GALNT13: variants seen among roughly 807,000 people sequenced by gnomAD.
The protein encoded by GALNT13 is UDP-GalNAc:polypeptide N-acetylgalactosaminyltransferase 13.
A neutral mutation model predicts 64.2 loss-of-function variants in GALNT13; 28 were observed. That is an observed-to-expected ratio of 0.44 (90% CI 0.32 to 0.60). The LOEUF is 0.60. Ranked by LOEUF, GALNT13 falls within the 20% of genes least tolerant of loss-of-function variation. The pLI, the probability that GALNT13 is intolerant of heterozygous loss-of-function variation, is 0.05. For synonymous variants in GALNT13, 214 were observed against 224.6 expected (o/e 0.95, Z 0.42); for missense variants, 577 against 669.8 (o/e 0.86, Z 1.53).
At chr2:153,340,787 T>G in the GALNT13 span, among the ~76,000 whole-genome samples, 1 of 152,206 alleles carries the variant, frequency 6.6e-6, no homozygotes, top group Non-Finnish European at 1.5e-5. Context: ...CAGGAAGATG[T>G]TAAATTTTTT....
chr2:154,014,958 C>A (rs1368168931), intron 3 of GALNT13, among the ~76,000 whole-genome samples: 1 of 152,066 alleles, frequency 6.6e-6, no homozygotes, highest in Non-Finnish European at 1.5e-5. Context: ...ATCTACCTCA[C>A]CCAAAATATA....
At chr2:153,603,164 T>G in the GALNT13 span, among the ~76,000 whole-genome samples, 1 of 151,918 alleles carries the variant, frequency 6.6e-6, no homozygotes, top group African/African-American at 2.4e-5. Context: ...TTTCAGCCAA[T>G]GGAACATGAG....
chr2:153,707,363 A>C, the GALNT13 span, among the ~76,000 whole-genome samples: 2 of 152,296 alleles, frequency 1.3e-5, no homozygotes, highest in Admixed American at 6.5e-5. Context: ...ATACTGAAAA[A>C]AGCCAAACCA....
chr2:153,814,300 C>T, the GALNT13 span, among the ~76,000 whole-genome samples: 1 of 152,026 alleles, frequency 6.6e-6, no homozygotes, highest in East Asian at 1.9e-4. Flanking sequence ...ATTAACTGGG[C>T]GCGGTGGCGG....
the GALNT13 span, among the ~76,000 whole-genome samples, chr2:153,719,872 C>G: frequency 2.6e-5 from 4 of 152,050 alleles, no homozygotes; most frequent in South Asian, 8.3e-4. Context: ...AAGGCGGCAG[C>G]GAGGCTGGGG....
chr2:153,737,763 T>A, the GALNT13 span, among the ~76,000 whole-genome samples: 1 of 152,114 alleles, frequency 6.6e-6, no homozygotes, highest in East Asian at 1.9e-4. Flanking sequence ...ATTGTGTTAC[T>A]TAAACTACAG....
the GALNT13 span, among the ~76,000 whole-genome samples, chr2:153,386,298 A>G: frequency 6.6e-6 from 1 of 152,086 alleles, no homozygotes; most frequent in Admixed American, 6.6e-5. Flanking sequence ...TAAGTGGGGA[A>G]CTACATTAAA....
At chr2:154,400,861 A>G (rs17227503) in intron 10 of GALNT13, among the ~76,000 whole-genome samples, 30,628 of 151,970 alleles carry the variant, frequency 0.2, 3,177 homozygotes, top group African/African-American at 0.23. Context: ...ATTTAAGTGT[A>G]AGATTGAAAG....
intron 9 of GALNT13, among the ~76,000 whole-genome samples, chr2:154,335,633 T>C (rs1012002453): frequency 6.6e-6 from 1 of 152,016 alleles, no homozygotes; most frequent in Non-Finnish European, 1.5e-5. Context: ...AAAAACAACG[T>C]ATATACATTG....
the GALNT13 span, among the ~76,000 whole-genome samples, chr2:153,832,387 C>T: frequency 6.6e-6 from 1 of 151,912 alleles, no homozygotes; most frequent in Non-Finnish European, 1.5e-5. Context: ...GTCAATTTTG[C>T]CATAATCAAA....
At chr2:153,799,394 C>G in the GALNT13 span, among the ~76,000 whole-genome samples, 1 of 152,092 alleles carries the variant, frequency 6.6e-6, no homozygotes, top group East Asian at 1.9e-4. Flanking sequence ...TCTATAGTTA[C>G]TAGAAATTGT....
At chr2:153,638,433 A>C in the GALNT13 span, among the ~76,000 whole-genome samples, 85 of 21,064 alleles carry the variant, frequency 4.0e-3, 26 homozygotes, top group African/African-American at 8.8e-3. Flanking sequence ...CACCCGGGAT[A>C]GTAATAGAAA....
chr2:154,012,630 A>G (rs1375792319), intron 3 of GALNT13, among the ~76,000 whole-genome samples: 1 of 152,104 alleles, frequency 6.6e-6, no homozygotes, highest in African/African-American at 2.4e-5. Context: ...CATGAGAGAA[A>G]TTTTTGTGGA....
chr2:154,110,370 G>C (rs866795014), intron 3 of GALNT13, among the ~76,000 whole-genome samples: 1,232 of 104,136 alleles, frequency 0.012, 47 homozygotes, highest in East Asian at 0.033. Flanking sequence ...GAGAGAGAGA[G>C]AGAGAGACAG....
At chr2:153,903,775 A>G (rs186260830) in intron 2 of GALNT13, among the ~76,000 whole-genome samples, 31 of 152,062 alleles carry the variant, frequency 2.0e-4, no homozygotes, top group African/African-American at 7.2e-4. Flanking sequence ...TTACTCTTTT[A>G]AGCTTTTTGC....
At chr2:153,327,407 G>A in the GALNT13 span, among the ~76,000 whole-genome samples, 2 of 152,046 alleles carry the variant, frequency 1.3e-5, no homozygotes, top group Non-Finnish European at 2.9e-5. Flanking sequence ...TTCCAACTTG[G>A]TTCCATTCTT....
chr2:154,296,678 A>G (rs1692942364), intron 8 of GALNT13, among the ~76,000 whole-genome samples: 1 of 152,194 alleles, frequency 6.6e-6, no homozygotes, highest in Non-Finnish European at 1.5e-5. Flanking sequence ...CAAGTTACAG[A>G]TTGTGGTAAG....
chr2:153,801,201 G>T, the GALNT13 span, among the ~76,000 whole-genome samples: 1 of 151,998 alleles, frequency 6.6e-6, no homozygotes, highest in East Asian at 1.9e-4. Flanking sequence ...AGGCTGTTTT[G>T]CTTTCTTATG....
chr2:153,789,101 T>A, the GALNT13 span, among the ~76,000 whole-genome samples: 8 of 152,130 alleles, frequency 5.3e-5, no homozygotes, highest in Non-Finnish European at 8.8e-5. Context: ...CAAATGGATA[T>A]GATAGATGTG....
Sources: gnomAD v4.1 joint callset for allele counts (sites outside exome capture counted in the v4.1 genomes callset) on GRCh38, gnomAD v4.1.1 for gene constraint, MANE v1.5 for transcripts, NCBI Gene and HGNC (gene_info 2026-07-23, HGNC 2026-07-21) for gene names.